The following CPNE4 variants were observed in gnomAD, a reference collection of about 807,000 sequenced individuals.
The protein encoded by CPNE4 is copine 4.
Under a neutral mutation model 67.9 loss-of-function variants are expected in CPNE4, and 25 were observed. That is an observed-to-expected ratio of 0.37 (90% CI 0.27 to 0.51). The LOEUF is 0.51. Among genes scored for constraint, CPNE4 ranks in the 20% least tolerant of loss-of-function variants. CPNE4 has a pLI of 0.93. For synonymous variants in CPNE4, 242 were observed against 244.9 expected, an observed-to-expected ratio of 0.99 and a Z score of 0.11; for missense variants, 464 against 690.8, an observed-to-expected ratio of 0.67 and a Z score of 3.68.
chr3:131,790,061 T>G (rs2083676318), intron 2 of CPNE4, among the ~76,000 whole-genome samples: 1 of 152,202 alleles, frequency 6.6e-6, no homozygotes, highest in South Asian at 2.1e-4. Context: ...TCAAGGAGAA[T>G]CGTGTTTCTT....
chr3:131,816,696 T>C (rs1348753006), intron 2 of CPNE4, among the ~76,000 whole-genome samples: 1 of 152,172 alleles, frequency 6.6e-6, no homozygotes, highest in Non-Finnish European at 1.5e-5. Flanking sequence ...GGATTTTCTC[T>C]AGTCACTCAA....
chr3:131,538,991 A>ATAAC, intron 15 of CPNE4: 1 of 152,222 alleles, frequency 6.6e-6, no homozygotes, highest in East Asian at 1.9e-4. Flanking sequence ...AGACCATAAC[A>ATAAC]TAACTTGTGC....
At chr3:131,751,764 GTTTT>G (rs61336816) in intron 2 of CPNE4, among the ~76,000 whole-genome samples, 1 of 145,108 alleles carries the variant, frequency 6.9e-6, no homozygotes, top group Admixed American at 7.0e-5. Flanking sequence ...CTGTTTAGCT[GTTTT>G]TTTTTTGTTT....
At position 131,627,206 on chromosome 3, in the gene CPNE4, A is replaced by AAAAG. The variant is rs1553741910; in HGVS notation, c.682-39625_682-39624insCTTT. Among the ~76,000 whole-genome samples the AAAAG allele has an allele frequency of 4.6e-4, 69 of 149,022 alleles. 2 individuals are homozygous for AAAAG. Among genetic ancestry groups the AAAAG allele is most frequent in the African/African-American group, 1.6e-3 (64 of 38,862 alleles). On this transcript the variant is annotated intron_variant, in intron 7 of 15. Coordinates refer to ENST00000429747, the MANE Select transcript of CPNE4 (RefSeq NM_130808.3). ...GAGACTCCATCTCAAAAAAAAAAAA[A>AAAAG]AAAAGAAAAAAAGAAAAGAAAAAGA...
chr3:131,847,728 C>CT (rs2086059343), intron 2 of CPNE4, among the ~76,000 whole-genome samples: 1 of 152,144 alleles, frequency 6.6e-6, no homozygotes, highest in Non-Finnish European at 1.5e-5. Flanking sequence ...GGCTGTTTCT[C>CT]TTTTTTCTTA....
At chr3:131,971,695 T>A (rs950745813) in intron 1 of CPNE4, among the ~76,000 whole-genome samples, 1 of 152,098 alleles carries the variant, frequency 6.6e-6, no homozygotes, top group Non-Finnish European at 1.5e-5. Context: ...CCCTTAGGTT[T>A]CCATCTGGGG....
At chr3:131,724,924 T>A (rs1056077636) in intron 2 of CPNE4, among the ~76,000 whole-genome samples, 1 of 152,222 alleles carries the variant, frequency 6.6e-6, no homozygotes. Flanking sequence ...CCATTTATAT[T>A]TTGGGAAGCT....
intron 2 of CPNE4, among the ~76,000 whole-genome samples, chr3:131,848,956 CAA>C (rs67407668): frequency 4.9e-4 from 39 of 79,624 alleles, no homozygotes; most frequent in African/African-American, 1.6e-3. Context: ...GTAGTGATTA[CAA>C]AAAAAAAAAA....
At chr3:131,671,456 C>T (rs1420653465) in intron 6 of CPNE4, among the ~76,000 whole-genome samples, 3 of 70,180 alleles carry the variant, frequency 4.3e-5, no homozygotes, top group Admixed American at 1.6e-4. Flanking sequence ...TATGAGTGTA[C>T]ACATGTGTGT....
At chr3:132,032,542 A>G (rs2074258143) in intron 1 of CPNE4, among the ~76,000 whole-genome samples, 1 of 152,242 alleles carries the variant, frequency 6.6e-6, no homozygotes, top group Non-Finnish European at 1.5e-5. Flanking sequence ...AACCATAAGA[A>G]TCTTCCCATG....
rs137924282 is a variant in CPNE4, at chr3:131,714,122, T to C, written c.360+9324A>G. Among the ~76,000 whole-genome samples the C allele has an allele frequency of 1.3e-3, 195 of 152,292 alleles. 1 individual carries two copies. Among genetic ancestry groups the C allele is most frequent in the African/African-American group, 4.5e-3 (186 of 41,544 alleles). ...CATCAATTTTATACCATGAGGATAT[T>C]AGATAGTATGCAACAAAATGCTAAC... On this transcript the variant is annotated intron_variant, in intron 3 of 15. Coordinates refer to ENST00000429747, the MANE Select transcript of CPNE4 (RefSeq NM_130808.3).
chr3:131,790,540 A>G (rs895406644), intron 2 of CPNE4, among the ~76,000 whole-genome samples: 1 of 152,114 alleles, frequency 6.6e-6, no homozygotes, highest in African/African-American at 2.4e-5. Flanking sequence ...CATGAGGGCT[A>G]TTTGGGAAAG....
At chr3:131,868,650 G>A (rs2087063275) in intron 2 of CPNE4, among the ~76,000 whole-genome samples, 1 of 152,150 alleles carries the variant, frequency 6.6e-6, no homozygotes, top group Admixed American at 6.6e-5. Context: ...ATAATTTGCT[G>A]AAAATTTCAA....
chr3:131,844,397 G>C (rs1489160170), intron 2 of CPNE4, among the ~76,000 whole-genome samples: 1 of 151,938 alleles, frequency 6.6e-6, no homozygotes, highest in Non-Finnish European at 1.5e-5. Flanking sequence ...CTCCTGAGTA[G>C]CTGGGACTAC....
At chr3:131,928,774 C>T (rs1005656319) in intron 1 of CPNE4, among the ~76,000 whole-genome samples, 17 of 152,302 alleles carry the variant, frequency 1.1e-4, no homozygotes, top group Middle Eastern at 3.4e-3. Flanking sequence ...GGTGTCAGGC[C>T]TCCAGGCATG....
chr3:131,607,460 T>A (rs1269490119), intron 7 of CPNE4, among the ~76,000 whole-genome samples: 1 of 152,204 alleles, frequency 6.6e-6, no homozygotes, highest in Non-Finnish European at 1.5e-5. Flanking sequence ...CCTTTTAAAG[T>A]GGTCTCATCT....
At chr3:131,656,053 C>CTTTTT (rs11360041) in intron 7 of CPNE4, among the ~76,000 whole-genome samples, 1 of 131,684 alleles carries the variant, frequency 7.6e-6, no homozygotes, top group Non-Finnish European at 1.6e-5. Flanking sequence ...AATACTGTTT[C>CTTTTT]TTTTTTTTTT....
intron 1 of CPNE4, among the ~76,000 whole-genome samples, chr3:132,001,234 T>C (rs1242693075): frequency 6.6e-6 from 1 of 151,996 alleles, no homozygotes; most frequent in East Asian, 1.9e-4. Context: ...GAAGGTCAGC[T>C]AGGTCAACCA....
chr3:131,543,653 A>C (rs1935648884), intron 14 of CPNE4, among the ~76,000 whole-genome samples: 1 of 152,202 alleles, frequency 6.6e-6, no homozygotes, highest in Admixed American at 6.5e-5. Context: ...AAAATATATA[A>C]TTAAAATGGA....
Sources: gnomAD v4.1 joint callset for allele counts (sites outside exome capture counted in the v4.1 genomes callset) on GRCh38, gnomAD v4.1.1 for gene constraint, MANE v1.5 for transcripts, NCBI Gene and HGNC (gene_info 2026-07-23, HGNC 2026-07-21) for gene names.